Variants in STK39 observed in about 807,000 individuals in gnomAD.
STK39 encodes serine/threonine kinase 39.
STK39 carries 20 observed loss-of-function variants against 77.8 expected under a neutral mutation model. The observed-to-expected ratio is 0.26, with a 90% CI of 0.18 to 0.37. The LOEUF (loss-of-function observed/expected upper bound fraction) is 0.37, where lower values mean the gene tolerates loss of function less well. STK39 is among the 10% of genes least tolerant of loss of function. The probability of loss-of-function intolerance (pLI) is 1.00; values close to 1 mark genes in which losing one functional copy is unlikely to be tolerated. For synonymous variants in STK39, 246 were observed against 234.1 expected (o/e 1.05, Z -0.47); for missense variants, 479 against 656.5 (o/e 0.73, Z 2.95).
chr2:167,965,178 A>G (rs1313394111), intron 16 of STK39, among the ~76,000 whole-genome samples: 1 of 152,138 alleles, frequency 6.6e-6, no homozygotes, highest in Admixed American at 6.5e-5. Flanking sequence ...AGGTCAGCAC[A>G]TTTGAACCCC....
chr2:168,214,144 T>C (rs1165057019), intron 1 of STK39, among the ~76,000 whole-genome samples: 1 of 151,908 alleles, frequency 6.6e-6, no homozygotes, highest in Middle Eastern at 3.2e-3. Context: ...GGCAAGTCAC[T>C]CGGCATCCCT....
At chr2:168,234,829 CTATT>C (rs942901515) in intron 1 of STK39, among the ~76,000 whole-genome samples, 2 of 150,970 alleles carry the variant, frequency 1.3e-5, no homozygotes, top group African/African-American at 4.9e-5. Flanking sequence ...TATTTTTACT[CTATT>C]TATTTATTCA....
chr2:168,238,197 C>T (rs1690669077), intron 1 of STK39, among the ~76,000 whole-genome samples: 1 of 152,210 alleles, frequency 6.6e-6, no homozygotes, highest in African/African-American at 2.4e-5. Context: ...TATGAGAAGT[C>T]TCACAACTGT....
intron 1 of STK39, among the ~76,000 whole-genome samples, chr2:168,205,636 GCAAGACCT>G (rs1689722372): frequency 6.6e-6 from 1 of 151,956 alleles, no homozygotes; most frequent in African/African-American, 2.4e-5. Context: ...GGTCAGTATA[GCAAGACCT>G]CAACTCTACA....
At chr2:168,175,522 C>T (rs1176611035) in intron 2 of STK39, among the ~76,000 whole-genome samples, 3 of 151,950 alleles carry the variant, frequency 2.0e-5, no homozygotes, top group East Asian at 1.9e-4. Context: ...AATTAGTATC[C>T]GAATAAGCTA....
intron 14 of STK39, among the ~76,000 whole-genome samples, chr2:168,043,431 A>T (rs914677898): frequency 2.0e-5 from 3 of 152,226 alleles, no homozygotes; most frequent in Non-Finnish European, 4.4e-5. Flanking sequence ...GTGTATATAC[A>T]GCAAAAAGGC....
chr2:168,155,458 A>C (rs1349382065), intron 5 of STK39, among the ~76,000 whole-genome samples: 1 of 152,216 alleles, frequency 6.6e-6, no homozygotes, highest in African/African-American at 2.4e-5. Context: ...AAAAAAATTC[A>C]TGTATGAGAA....
In STK39 at chr2:168,234,692, G is replaced by A. The variant is rs796370619; in HGVS notation, c.208+12536C>T. On this transcript the variant is annotated intron_variant, in intron 1 of 17. Transcript: ENST00000355999. ...GGCAAAAGGTGATGGCTGAAATGAA[G>A]ACATTGTATATTTACATATAACCTG... is the stretch of plus-strand genomic sequence containing the variant. Among the ~76,000 whole-genome samples, 41 of 152,226 alleles carry A rather than the reference G, an allele frequency of 2.7e-4. 2 individuals carry two copies. The highest frequency in any genetic ancestry group is 9.9e-4 in the African/African-American group (41 of 41,530).
At chr2:168,131,067 T>C (rs977559468) in intron 8 of STK39, among the ~76,000 whole-genome samples, 2 of 152,220 alleles carry the variant, frequency 1.3e-5, no homozygotes, top group African/African-American at 4.8e-5. Context: ...CTCTTCATTT[T>C]CTTAGGTGTG....
intron 10 of STK39, among the ~76,000 whole-genome samples, chr2:168,096,690 T>C (rs1471018111): frequency 6.6e-6 from 1 of 152,176 alleles, no homozygotes; most frequent in African/African-American, 2.4e-5. Flanking sequence ...ATGTACTCTA[T>C]GATAAGTGAA....
At chr2:167,985,344 G>A in intron 16 of STK39, among the ~76,000 whole-genome samples, 1 of 152,172 alleles carries the variant, frequency 6.6e-6, no homozygotes, top group African/African-American at 2.4e-5. Context: ...TTTGTTGTTT[G>A]TGCACTTGTT....
intron 8 of STK39, among the ~76,000 whole-genome samples, chr2:168,134,764 C>A (rs187942838): frequency 1.3e-5 from 2 of 152,254 alleles, no homozygotes; most frequent in African/African-American, 2.4e-5. Context: ...CTACTCTCAG[C>A]GGCCTGAGAG....
chr2:168,216,501 G>T (rs1690027681), intron 1 of STK39, among the ~76,000 whole-genome samples: 1 of 152,172 alleles, frequency 6.6e-6, no homozygotes, highest in Admixed American at 6.5e-5. Flanking sequence ...GGCAAAAGTT[G>T]TGTTTGGCTG....
chr2:168,095,104 T>C (rs899703319), intron 10 of STK39, among the ~76,000 whole-genome samples: 4 of 152,146 alleles, frequency 2.6e-5, no homozygotes, highest in African/African-American at 9.7e-5. Flanking sequence ...TTTAACAGCT[T>C]CTTCCAGCCT....
chr2:168,044,750 G>A (rs1443091681), intron 14 of STK39, among the ~76,000 whole-genome samples: 1 of 152,208 alleles, frequency 6.6e-6, no homozygotes, highest in Non-Finnish European at 1.5e-5. Context: ...CTGTTTGTCT[G>A]CAGTGGAAGG....
At chr2:168,031,173 C>G (rs1430448734) in intron 14 of STK39, among the ~76,000 whole-genome samples, 4 of 151,988 alleles carry the variant, frequency 2.6e-5, no homozygotes, top group Non-Finnish European at 5.9e-5. Flanking sequence ...TGGAAAGCCC[C>G]TTTTAGGGTG....
intron 1 of STK39, among the ~76,000 whole-genome samples, chr2:168,231,073 C>T (rs550444457): frequency 1.5e-3 from 233 of 152,266 alleles, no homozygotes; most frequent in Non-Finnish European, 2.7e-3. Context: ...CAACCAAGTC[C>T]TAGTCTTATC....
Position 168,003,691 on chromosome 2 carries a change from C to T in STK39, c.1498+8943G>A, listed in dbSNP as rs139882111. 4.1e-3 allele frequency among the ~76,000 whole-genome samples: 621 copies of T among 152,304 alleles called. 7 individuals carry two copies. Among genetic ancestry groups the T allele is most frequent in the African/African-American group, 0.014 (584 of 41,576 alleles). Reference sequence around the variant, plus strand: ...TAAGGTATTAAACTTAACACATAGACAACTTTTAATCAGGAATCACTCAGC... The same window carrying T: ...TAAGGTATTAAACTTAACACATAGATAACTTTTAATCAGGAATCACTCAGC... On this transcript the variant is annotated intron_variant, in intron 16 of 17. Coordinates refer to ENST00000355999, the MANE Select transcript of STK39 (RefSeq NM_013233.3).
chr2:167,987,916 C>T (rs1454087955), intron 16 of STK39, among the ~76,000 whole-genome samples: 1 of 152,140 alleles, frequency 6.6e-6, no homozygotes, highest in Non-Finnish European at 1.5e-5. Flanking sequence ...ATTTACTATG[C>T]AATTTATGTA....
Sources: allele counts gnomAD v4.1 joint callset (sites outside exome capture counted in the v4.1 genomes callset), GRCh38; gene constraint gnomAD v4.1.1; transcripts MANE v1.5; gene names NCBI Gene and HGNC (gene_info 2026-07-23, HGNC 2026-07-21).